The following ATXN1 variants were observed in gnomAD, a reference collection of about 807,000 sequenced individuals.
The protein encoded by ATXN1 is ataxin 1, also known as ataxin-1.
In ATXN1, 8 loss-of-function variants were observed where a neutral mutation model predicts 56.4. The observed-to-expected ratio is 0.14, with a 90% CI of 0.08 to 0.26. The LOEUF is 0.26. ATXN1 is among the 10% of genes least tolerant of loss of function. The pLI, the probability that ATXN1 is intolerant of heterozygous loss-of-function variation, is 1.00. For synonymous variants in ATXN1, 514 were observed against 494.6 expected (o/e 1.04, Z -0.52); for missense variants, 987 against 1,106.5 (o/e 0.89, Z 1.53).
At chr6:16,733,246 T>C (rs1006633807) in intron 2 of ATXN1, among the ~76,000 whole-genome samples, 15 of 152,220 alleles carry the variant, frequency 9.9e-5, no homozygotes, top group Non-Finnish European at 1.6e-4. Flanking sequence ...ATGTTTGCTA[T>C]TTTAAGAGCC....
Position 16,326,737 on chromosome 6 carries a change from G to A in ATXN1, c.1574C>T (p.Thr525Ile). 6.2e-7 allele frequency: 1 copy of A among 1,613,710 alleles called. No individual in the cohort carries two copies. The highest frequency in any genetic ancestry group is 8.5e-7 in the Non-Finnish European group (1 of 1,180,008). Residue 525 changes from threonine to isoleucine, a missense_variant, in exon 7 of 8, where the codon ACC becomes ATC. By Grantham distance (89) the Thr-to-Ile change is moderately conservative (BLOSUM62 -1). Transcript: ENST00000436367. The surrounding 1 kb of genome is among the most constrained non-coding windows in gnomAD (Gnocchi z 6.6). ...GAAGTTCTCGCTCTTGGGAAGGGCGGTGGTGACGAACGTGTGAGGCACTGC... is the reference window on the plus strand; with the variant it reads ...GAAGTTCTCGCTCTTGGGAAGGGCGATGGTGACGAACGTGTGAGGCACTGC... The part of the protein sequence containing the change: ...FAAVPHTFVT[T>I]ALPKSENFNP...
At chr6:16,484,950 T>TGC in intron 6 of ATXN1, among the ~76,000 whole-genome samples, 9 of 66,350 alleles carry the variant, frequency 1.4e-4, no homozygotes, top group Non-Finnish European at 2.8e-4. Context: ...AATATATATG[T>TGC]GTGTGTGTGT....
intron 6 of ATXN1, among the ~76,000 whole-genome samples, chr6:16,396,279 T>TA (rs58028904): frequency 2.0e-5 from 3 of 151,902 alleles, no homozygotes; most frequent in African/African-American, 7.3e-5. Flanking sequence ...AAACTTTTTT[T>TA]AATAAGAAAA....
At chr6:16,737,228 G>A (rs1760167521) in intron 2 of ATXN1, 1 of 152,142 alleles carries the variant, frequency 6.6e-6, no homozygotes, top group South Asian at 2.1e-4. Flanking sequence ...TTAATTATTT[G>A]GTTCAGAGGA....
chr6:16,394,394 T>C (rs1242360236), intron 6 of ATXN1, among the ~76,000 whole-genome samples: 1 of 152,264 alleles, frequency 6.6e-6, no homozygotes, highest in Non-Finnish European at 1.5e-5. Context: ...ATGTTTTCAT[T>C]TTAAAATTTA....
intron 6 of ATXN1, among the ~76,000 whole-genome samples, chr6:16,339,094 C>A (rs753407114): frequency 2.6e-5 from 4 of 152,296 alleles, no homozygotes; most frequent in South Asian, 2.1e-4. Context: ...AATGCAGAAT[C>A]CTCCTTCCAC....
intron 6 of ATXN1, among the ~76,000 whole-genome samples, chr6:16,366,106 G>A (rs1761913307): frequency 6.6e-6 from 1 of 152,104 alleles, no homozygotes; most frequent in Non-Finnish European, 1.5e-5. Context: ...AAACAATCTT[G>A]GATGTTTACC....
chr6:16,459,504 G>A (rs1759947569), intron 6 of ATXN1, among the ~76,000 whole-genome samples: 1 of 152,160 alleles, frequency 6.6e-6, no homozygotes, highest in South Asian at 2.1e-4. Flanking sequence ...CAAGATCCTA[G>A]ACTCATCAGT....
At chr6:16,503,876 TAC>T (rs1232181978) in intron 5 of ATXN1, among the ~76,000 whole-genome samples, 2 of 152,178 alleles carry the variant, frequency 1.3e-5, no homozygotes, top group Non-Finnish European at 2.9e-5. Context: ...TTTTTAACTA[TAC>T]AGTCAGTGGC....
chr6:16,607,397 T>G (rs939889161), intron 3 of ATXN1, among the ~76,000 whole-genome samples: 2 of 152,224 alleles, frequency 1.3e-5, no homozygotes, highest in African/African-American at 4.8e-5. Context: ...TCAAAAAATG[T>G]AAATTATGCA....
chr6:16,671,759 C>A (rs1223935690), intron 2 of ATXN1, among the ~76,000 whole-genome samples: 2 of 152,082 alleles, frequency 1.3e-5, no homozygotes, highest in South Asian at 2.1e-4. Context: ...GGGTCAAAAT[C>A]ATTATATATT....
At chr6:16,640,832 T>C (rs1018923934) in intron 3 of ATXN1, among the ~76,000 whole-genome samples, 1 of 150,116 alleles carries the variant, frequency 6.7e-6, no homozygotes, top group Non-Finnish European at 1.5e-5. Flanking sequence ...GAGGAAGGCA[T>C]GTTGAAAGCT....
chr6:16,745,934 GTGT>G (rs1188541610), intron 2 of ATXN1, among the ~76,000 whole-genome samples: 2 of 7,142 alleles, frequency 2.8e-4, no homozygotes, highest in African/African-American at 1.3e-3. Context: ...TATGCCTTCC[GTGT>G]GTGTGTGTGT....
At position 16,738,582 on chromosome 6, in the gene ATXN1, A is replaced by T. The variant is rs543028914; in HGVS notation, c.-615+14651T>A. The T allele has an allele frequency of 3.9e-5, 6 of 152,388 alleles. No individual in the cohort carries two copies. The East Asian group carries it at 5.8e-4, about 15-fold the overall frequency. 9.4% of individuals were successfully genotyped at this position (152,388 alleles called of 1,614,324 possible). A position where few individuals can be genotyped will look rare whatever the true frequency, so the allele number is the denominator to read the frequency against. ...TGTATTGGCAAAAGACTAGAATTTT[A>T]AAAAACCAGGATTTTAAAAAAAGCA... On this transcript the variant is annotated intron_variant, in intron 2 of 7. Transcript: ENST00000436367.
In ATXN1 at chr6:16,430,579, A is replaced by T. The variant is rs151190868; in HGVS notation, c.-161+55393T>A. ...TTCCATGATTTTTTGCATATGGCTC[A>T]GCCAAAGAAAGCTTTTTCCCCTTCC... On this transcript the variant is annotated intron_variant, in intron 6 of 7. Coordinates refer to ENST00000436367, the MANE Select transcript of ATXN1 (RefSeq NM_001128164.2). 3.9e-5 allele frequency among the ~76,000 whole-genome samples: 6 copies of T among 152,330 alleles called. No individual in the cohort carries two copies. The East Asian group carries it at 1.2e-3, about 29-fold the overall frequency.
chr6:16,433,457 A>G (rs1404404984), intron 6 of ATXN1, among the ~76,000 whole-genome samples: 3 of 152,164 alleles, frequency 2.0e-5, no homozygotes, highest in Admixed American at 2.0e-4. Context: ...TGCTCCAAGG[A>G]GATTTTAGAG....
At chr6:16,519,511 C>A (rs1561736716) in intron 5 of ATXN1, among the ~76,000 whole-genome samples, 1 of 152,182 alleles carries the variant, frequency 6.6e-6, no homozygotes, top group Non-Finnish European at 1.5e-5. Context: ...TCCTACTGGG[C>A]CTGGCATTGC....
chr6:16,508,883 T>C (rs1190564291), intron 5 of ATXN1, among the ~76,000 whole-genome samples: 1 of 152,168 alleles, frequency 6.6e-6, no homozygotes. Flanking sequence ...TATGGACAGA[T>C]GAATGAATAA....
At chr6:16,527,314 T>C (rs1271544258) in intron 4 of ATXN1, among the ~76,000 whole-genome samples, 2 of 151,896 alleles carry the variant, frequency 1.3e-5, no homozygotes, top group Non-Finnish European at 2.9e-5. Context: ...GGAAATCGTG[T>C]CTCCAGCCAT....
Sources: gnomAD v4.1 joint callset for allele counts (sites outside exome capture counted in the v4.1 genomes callset) on GRCh38, gnomAD v4.1.1 for gene constraint, Gnocchi (gnomAD v3.1) non-coding constraint, MANE v1.5 for transcripts, NCBI Gene and HGNC (gene_info 2026-07-23, HGNC 2026-07-21) for gene names.